The following LRRC4C variants were observed in gnomAD, a reference collection of about 807,000 sequenced individuals.
LRRC4C encodes the protein leucine-rich repeat-containing protein 4C.
LRRC4C carries 5 observed loss-of-function variants against 33.6 expected under a neutral mutation model. That is an observed-to-expected ratio of 0.15 (90% CI 0.08 to 0.31). LRRC4C has a LOEUF of 0.31. Ranked by LOEUF, LRRC4C falls within the 10% of genes least tolerant of loss-of-function variation. The pLI, the probability that LRRC4C is intolerant of heterozygous loss-of-function variation, is 1.00. For missense variants in LRRC4C, 560 were observed against 796.7 expected (o/e 0.70, Z 3.58); for synonymous variants, 329 against 302.0 (o/e 1.09, Z -0.93).
chr11:40,813,267 G>A (rs765551501), intron 2 of LRRC4C, among the ~76,000 whole-genome samples: 2 of 152,174 alleles, frequency 1.3e-5, no homozygotes, highest in Non-Finnish European at 2.9e-5. Flanking sequence ...AAGGAAAGAG[G>A]TTTAATTGAC....
intron 1 of LRRC4C, among the ~76,000 whole-genome samples, chr11:41,003,219 A>AT (rs1252154991): frequency 2.6e-5 from 4 of 152,126 alleles, no homozygotes; most frequent in African/African-American, 9.7e-5. Flanking sequence ...TATTTCTTTA[A>AT]TTTTTAAATA....
intron 1 of LRRC4C, among the ~76,000 whole-genome samples, chr11:41,244,434 C>T (rs897445644): frequency 5.8e-4 from 88 of 152,146 alleles, no homozygotes; most frequent in African/African-American, 1.8e-3. Context: ...ACAACAATTT[C>T]GGATAAAGTC....
intron 5 of LRRC4C, among the ~76,000 whole-genome samples, chr11:40,193,758 A>G (rs1459671789): frequency 3.3e-5 from 5 of 152,186 alleles, no homozygotes; most frequent in Non-Finnish European, 7.3e-5. Context: ...AGGGAATGAC[A>G]TAAATGACCT....
At chr11:40,124,956 C>A (rs933300421) in intron 6 of LRRC4C, among the ~76,000 whole-genome samples, 1 of 150,448 alleles carries the variant, frequency 6.6e-6, no homozygotes, top group Non-Finnish European at 1.5e-5. Context: ...AATAATTAAA[C>A]TTTTTAAAAA....
intron 1 of LRRC4C, among the ~76,000 whole-genome samples, chr11:40,993,121 T>C (rs1317577099): frequency 6.6e-6 from 1 of 152,194 alleles, no homozygotes; most frequent in African/African-American, 2.4e-5. Flanking sequence ...TTATTTTTTG[T>C]ATATTTTCAT....
chr11:40,702,662 T>C (rs1374943928), intron 2 of LRRC4C, among the ~76,000 whole-genome samples: 2 of 152,178 alleles, frequency 1.3e-5, no homozygotes, highest in Admixed American at 6.5e-5. Context: ...TCTGATTACA[T>C]GGTTTTCTTC....
intron 3 of LRRC4C, among the ~76,000 whole-genome samples, chr11:40,591,375 G>C (rs1959051565): frequency 6.6e-6 from 1 of 152,138 alleles, no homozygotes; most frequent in Non-Finnish European, 1.5e-5. Flanking sequence ...TGCGCCCACT[G>C]TCTGGCACTC....
At chr11:40,269,424 T>C (rs887335982) in intron 4 of LRRC4C, among the ~76,000 whole-genome samples, 1 of 152,168 alleles carries the variant, frequency 6.6e-6, no homozygotes, top group Non-Finnish European at 1.5e-5. Flanking sequence ...TTATTTCTAT[T>C]TACTATTATC....
At chr11:40,451,442 G>T (rs1236964978) in intron 3 of LRRC4C, among the ~76,000 whole-genome samples, 4 of 124,178 alleles carry the variant, frequency 3.2e-5, no homozygotes, top group African/African-American at 1.2e-4. Flanking sequence ...CCGGAGTGCA[G>T]TGGCCTGATC....
At chr11:41,345,474 T>C (rs1243994508) in intron 1 of LRRC4C, among the ~76,000 whole-genome samples, 1 of 152,246 alleles carries the variant, frequency 6.6e-6, no homozygotes, top group East Asian at 1.9e-4. Context: ...GATCATAGTT[T>C]GTAGGATCCA....
intron 2 of LRRC4C, among the ~76,000 whole-genome samples, chr11:40,723,440 T>C (rs775039414): frequency 6.6e-5 from 10 of 152,090 alleles, no homozygotes; most frequent in African/African-American, 1.4e-4. Context: ...TCTGAAGAGA[T>C]TGGGGGCCTA....
At chr11:40,500,483 G>T (rs2138617202) in intron 3 of LRRC4C, among the ~76,000 whole-genome samples, 1 of 151,842 alleles carries the variant, frequency 6.6e-6, no homozygotes, top group Non-Finnish European at 1.5e-5. Context: ...TCAGTTTAAT[G>T]GTGTCACAGT....
chr11:41,295,484 C>T (rs1051788367), intron 1 of LRRC4C, among the ~76,000 whole-genome samples: 5 of 152,070 alleles, frequency 3.3e-5, no homozygotes, highest in Non-Finnish European at 7.4e-5. Context: ...TTTTAGATGA[C>T]GTGGTTTCCC....
At chr11:40,190,640 T>A (rs529085556) in intron 5 of LRRC4C, among the ~76,000 whole-genome samples, 11 of 152,280 alleles carry the variant, frequency 7.2e-5, no homozygotes, top group African/African-American at 2.4e-4. Context: ...TTTTAATATG[T>A]GACAATTCCT....
intron 3 of LRRC4C, among the ~76,000 whole-genome samples, chr11:40,410,029 A>G (rs1440104): frequency 0.33 from 49,671 of 151,900 alleles, 9,588 homozygotes; most frequent in South Asian, 0.46. Context: ...GTCTACAAAT[A>G]AAGTTTTATT....
At chr11:41,224,469 C>T (rs906526027) in intron 1 of LRRC4C, among the ~76,000 whole-genome samples, 1 of 152,066 alleles carries the variant, frequency 6.6e-6, no homozygotes, top group Non-Finnish European at 1.5e-5. Flanking sequence ...GTGTTTTGGC[C>T]TCATATAGAG....
intron 1 of LRRC4C, among the ~76,000 whole-genome samples, chr11:41,330,624 G>A (rs1486549320): frequency 1.3e-5 from 2 of 152,084 alleles, no homozygotes; most frequent in Non-Finnish European, 2.9e-5. Context: ...CCAGACTGGA[G>A]TGTAGTGGTG....
At chr11:40,401,386 T>G (rs1435199077) in intron 3 of LRRC4C, among the ~76,000 whole-genome samples, 2 of 152,082 alleles carry the variant, frequency 1.3e-5, no homozygotes, top group Non-Finnish European at 2.9e-5. Flanking sequence ...CTGCGTTTAC[T>G]CTGAATTCAC....
chr11:40,290,513 ATGTGAG>A (rs1364391374), intron 4 of LRRC4C, among the ~76,000 whole-genome samples: 4 of 152,322 alleles, frequency 2.6e-5, no homozygotes, highest in African/African-American at 9.6e-5. Flanking sequence ...AGAATAGATG[ATGTGAG>A]TGTAAGAACA....
Sources: gnomAD v4.1 joint callset for allele counts (sites outside exome capture counted in the v4.1 genomes callset) on GRCh38, gnomAD v4.1.1 for gene constraint, MANE v1.5 for transcripts, NCBI Gene and HGNC (gene_info 2026-07-23, HGNC 2026-07-21) for gene names.